Variants in EHD2 observed in about 807,000 individuals in gnomAD.
EHD2 encodes the protein EH domain containing 2.
EHD2 carries 27 observed loss-of-function variants against 41.0 expected under a neutral mutation model. That is an observed-to-expected ratio of 0.66 (90% CI 0.49 to 0.91). The LOEUF (loss-of-function observed/expected upper bound fraction) is 0.91, where lower values mean the gene tolerates loss of function less well. EHD2 is among the 40% of genes least tolerant of loss of function. EHD2 has a pLI of 0.00. For missense variants in EHD2, 673 were observed against 773.9 expected, an observed-to-expected ratio of 0.87 and a Z score of 1.55; for synonymous variants, 342 against 341.0, an observed-to-expected ratio of 1.00 and a Z score of -0.03.
chr19:47,720,232 C>T (rs1461616138), intron 3 of EHD2, among the ~76,000 whole-genome samples: 1 of 151,964 alleles, frequency 6.6e-6, no homozygotes, highest in Admixed American at 6.6e-5. Context: ...GGCGCGATCT[C>T]GGCTCACTGC....
intron 5 of EHD2, among the ~76,000 whole-genome samples, chr19:47,737,653 T>C (rs1413031602): frequency 1.3e-5 from 2 of 151,844 alleles, no homozygotes; most frequent in African/African-American, 4.8e-5. Context: ...TAAGATTCTG[T>C]CTCAATAAAT....
intron 2 of EHD2, among the ~76,000 whole-genome samples, chr19:47,717,906 T>TAAA (rs749665768): frequency 3.2e-5 from 3 of 93,860 alleles, no homozygotes; most frequent in Non-Finnish European, 6.2e-5. Context: ...AGACTCTGTC[T>TAAA]AAAAAAAAAA....
At chr19:47,735,531 G>C (rs1966912129) in intron 4 of EHD2, among the ~76,000 whole-genome samples, 1 of 152,054 alleles carries the variant, frequency 6.6e-6, no homozygotes, top group Non-Finnish European at 1.5e-5. Context: ...CCAGGAATTT[G>C]AGGCTGCAGT....
Position 47,718,601 on chromosome 19 carries a change from G to C in EHD2, c.497G>C (p.Ser166Thr). 6.4e-7 allele frequency: 1 copy of C among 1,562,540 alleles called. No individual in the cohort carries two copies. Among genetic ancestry groups the C allele is most frequent in the Non-Finnish European group, 8.7e-7 (1 of 1,152,730 alleles). The change falls in exon 3 of 6, where the codon AGC (serine) becomes ACC (threonine). Residue 166 changes from serine to threonine, a missense_variant. Ser to Thr is a moderately conservative substitution (Grantham distance 58). Transcript: ENST00000263277. ...CTGTCGGGTGCCAAGCAGAGAGTGA[G>C]CCGCGGTGAGTGGGGCCAGACCCTG... is the stretch of plus-strand genomic sequence containing the variant. The part of the protein sequence containing the change: ...GILSGAKQRV[S>T]RGYDFPAVLR...
At chr19:47,723,077 T>G (rs979564831) in intron 3 of EHD2, among the ~76,000 whole-genome samples, 1 of 152,184 alleles carries the variant, frequency 6.6e-6, no homozygotes, top group African/African-American at 2.4e-5. Context: ...GAAGTCCTCC[T>G]TGACCCCCAG....
At chr19:47,740,619 G>C (rs1353053123) in intron 5 of EHD2, among the ~76,000 whole-genome samples, 2 of 152,136 alleles carry the variant, frequency 1.3e-5, no homozygotes, top group Admixed American at 1.3e-4. Context: ...GGTGGCGCAT[G>C]CCTGTAATCC....
At chr19:47,724,096 T>TG (rs398034872) in intron 3 of EHD2, among the ~76,000 whole-genome samples, 4 of 150,100 alleles carry the variant, frequency 2.7e-5, no homozygotes, top group African/African-American at 5.0e-5. Context: ...TTTTTTTTTT[T>TG]GAGACAGAGT....
rs763712287 is a variant in EHD2 at position 47,726,239 on chromosome 19, G to A, written c.915+15G>A. Reference sequence around the variant, plus strand: ...GGCTGGTGCGAGTGAGTAGTCCTGAGGGCTGGGCGCGCATTCTTGGAGGAG... The same window carrying A: ...GGCTGGTGCGAGTGAGTAGTCCTGAAGGCTGGGCGCGCATTCTTGGAGGAG... On this transcript the variant is annotated intron_variant, in intron 4 of 5. Transcript: ENST00000263277. 3.4e-6 allele frequency: 5 copies of A among 1,471,600 alleles called. No homozygotes were observed. The East Asian group carries it at 9.6e-5, about 28-fold the overall frequency. The allele number at this position is 1,471,600 out of a possible 1,614,324, so 91.2% of individuals were successfully genotyped here. A position where few individuals can be genotyped will look rare whatever the true frequency, so the allele number is the denominator to read the frequency against.
intron 1 of EHD2, among the ~76,000 whole-genome samples, chr19:47,715,985 T>C (rs2123632437): frequency 6.6e-6 from 1 of 151,682 alleles, no homozygotes; most frequent in East Asian, 1.9e-4. Flanking sequence ...GTCAGGCTGG[T>C]CTCAAACTCC....
chr19:47,717,129 C>T, intron 2 of EHD2, 113 bp downstream of exon 2: 1 of 1,353,388 alleles, frequency 7.4e-7, no homozygotes, highest in South Asian at 1.3e-5. Flanking sequence ...CTCATGGCAA[C>T]CTCCACCTCC....
At chr19:47,713,687 G>C (rs1385025556) in intron 1 of EHD2, 149 bp downstream of exon 1, 1 of 137,510 alleles carries the variant, frequency 7.3e-6, no homozygotes, top group East Asian at 2.2e-4. Context: ...AGTCCCCCCA[G>C]TCTGTAACCA....
intron 4 of EHD2, among the ~76,000 whole-genome samples, chr19:47,735,452 C>T (rs559057543): frequency 6.6e-6 from 1 of 152,170 alleles, no homozygotes; most frequent in East Asian, 1.9e-4. Context: ...TGCAAATTCC[C>T]ATCTGGGCAG....
chr19:47,734,845 G>T (rs748564265), intron 4 of EHD2, among the ~76,000 whole-genome samples: 1 of 152,016 alleles, frequency 6.6e-6, no homozygotes, highest in Non-Finnish European at 1.5e-5. Context: ...TTGAGGTCAG[G>T]GGTTCGAGAC....
chr19:47,718,820 G>A (rs1390044885), intron 3 of EHD2, among the ~76,000 whole-genome samples: 2 of 147,052 alleles, frequency 1.4e-5, no homozygotes, highest in African/African-American at 5.1e-5. Flanking sequence ...TGAGGGAGGA[G>A]GGGCTGGGGG....
chr19:47,731,279 A>AAATATATATAT, intron 4 of EHD2: 69 of 60,864 alleles, frequency 1.1e-3, no homozygotes, highest in Non-Finnish European at 1.3e-3. Context: ...AAAAAAAAAA[A>AAATATATATAT]ATATATATAT....
chr19:47,741,399 C>A lies in EHD2; in HGVS notation c.1599C>A (p.Pro533=). The A allele has an allele frequency of 6.3e-7, 1 of 1,595,290 alleles. No individual in the cohort carries two copies. Among genetic ancestry groups the A allele is most frequent in the Non-Finnish European group, 8.5e-7 (1 of 1,176,680 alleles). ...ACCTGCCCCGTCGCCTGGTGCCACC[C>A]TCCAAGCGACGCCACAAGGGCTCCG... is the stretch of plus-strand genomic sequence containing the variant. ...PANLPRRLVP[P]SKRRHKGSAE is the part of the protein sequence containing the mutation. The change falls in exon 6 of 6, where the codon CCC becomes CCA. Residue 533 remains proline (P), a synonymous_variant. Coordinates refer to ENST00000263277, the MANE Select transcript of EHD2 (RefSeq NM_014601.4). This position sits in a 1 kb window ranked among gnomAD's most constrained non-coding sequence, Gnocchi z 4.5.
At chr19:47,738,417 C>T (rs1966947712) in intron 5 of EHD2, among the ~76,000 whole-genome samples, 1 of 152,130 alleles carries the variant, frequency 6.6e-6, no homozygotes, top group African/African-American at 2.4e-5. Flanking sequence ...ATTATCCTGC[C>T]TCAGCCTCCC....
At chr19:47,731,113 G>T (rs1402215648) in intron 4 of EHD2, among the ~76,000 whole-genome samples, 1 of 150,850 alleles carries the variant, frequency 6.6e-6, no homozygotes, top group African/African-American at 2.4e-5. Context: ...AGAACAGCAT[G>T]TGCAAAGGCC....
intron 4 of EHD2, among the ~76,000 whole-genome samples, chr19:47,735,584 C>T (rs949135817): frequency 3.4e-5 from 5 of 148,998 alleles, no homozygotes; most frequent in African/African-American, 1.0e-4. Flanking sequence ...GGTGATAGAG[C>T]GAGACCCTGT....
Sources: allele counts gnomAD v4.1 joint callset (sites outside exome capture counted in the v4.1 genomes callset), GRCh38; gene constraint gnomAD v4.1.1; non-coding constraint Gnocchi (gnomAD v3.1); transcripts MANE v1.5; gene names NCBI Gene and HGNC (gene_info 2026-07-23, HGNC 2026-07-21).